GRM5: variants seen among roughly 807,000 people sequenced by gnomAD.
GRM5 encodes the protein metabotropic glutamate receptor 5.
In GRM5, 19 loss-of-function variants were observed where a neutral mutation model predicts 83.1. The observed-to-expected ratio is 0.23, with a 90% CI of 0.16 to 0.34. The LOEUF (loss-of-function observed/expected upper bound fraction) is 0.34, where lower values mean the gene tolerates loss of function less well. Ranked by LOEUF, GRM5 falls within the 10% of genes least tolerant of loss-of-function variation. GRM5 has a pLI of 1.00. For missense variants in GRM5, 1,160 were observed against 1,588.3 expected, an observed-to-expected ratio of 0.73 and a Z score of 4.58; for synonymous variants, 675 against 633.6, an observed-to-expected ratio of 1.07 and a Z score of -0.98.
chr11:88,520,806 T>G (rs1941659235), intron 9 of GRM5, among the ~76,000 whole-genome samples: 1 of 152,210 alleles, frequency 6.6e-6, no homozygotes, highest in Non-Finnish European at 1.5e-5. Flanking sequence ...TATTATGACA[T>G]GACTCTTACC....
At chr11:88,721,352 T>C (rs936328741) in intron 3 of GRM5, among the ~76,000 whole-genome samples, 14 of 152,174 alleles carry the variant, frequency 9.2e-5, no homozygotes, top group African/African-American at 2.4e-4. Context: ...CCCTGCATCA[T>C]TGGAATATTT....
intron 4 of GRM5, among the ~76,000 whole-genome samples, chr11:88,608,220 G>C (rs543016152): frequency 1.2e-4 from 18 of 152,158 alleles, no homozygotes; most frequent in Non-Finnish European, 2.2e-4. Flanking sequence ...ATATGAGTAT[G>C]TTCTGTCACA....
chr11:88,996,382 A>G (rs995886645), intron 2 of GRM5, among the ~76,000 whole-genome samples: 2 of 152,244 alleles, frequency 1.3e-5, no homozygotes, highest in Non-Finnish European at 1.5e-5. Flanking sequence ...AGTTATAACA[A>G]TTCTGACACT....
chr11:88,630,574 A>T (rs6483321), intron 4 of GRM5, among the ~76,000 whole-genome samples: 1 of 15,938 alleles, frequency 6.3e-5, no homozygotes, highest in African/African-American at 1.6e-4. Context: ...CACACACACA[A>T]ACACACACAC....
At chr11:88,870,675 A>C (rs1383318203) in intron 2 of GRM5, among the ~76,000 whole-genome samples, 2 of 151,568 alleles carry the variant, frequency 1.3e-5, no homozygotes, top group African/African-American at 4.8e-5. Flanking sequence ...CTTGTGTTCC[A>C]TTGTGGACAC....
intron 8 of GRM5, among the ~76,000 whole-genome samples, chr11:88,543,640 T>A (rs1942323198): frequency 6.7e-6 from 1 of 149,642 alleles, no homozygotes. Context: ...ATCCTTTTTT[T>A]TTTTTTTTTG....
intron 8 of GRM5, among the ~76,000 whole-genome samples, chr11:88,540,940 T>A (rs968605788): frequency 3.3e-5 from 5 of 151,638 alleles, no homozygotes; most frequent in African/African-American, 1.2e-4. Context: ...TTAGTAGAGA[T>A]GGGGTTTCAC....
chr11:88,777,476 A>C (rs1044940708), intron 3 of GRM5, among the ~76,000 whole-genome samples: 2 of 152,138 alleles, frequency 1.3e-5, no homozygotes, highest in Non-Finnish European at 2.9e-5. Context: ...GCTTTGTTCC[A>C]TTGCTGGCAA....
rs768641882 is a variant in GRM5 at position 88,567,223 on chromosome 11, C to A, written c.2460G>T (p.Pro820=). The A allele has an allele frequency of 1.9e-6, 3 of 1,614,084 alleles. No homozygotes were observed. Among genetic ancestry groups the A allele is most frequent in the Non-Finnish European group, 2.5e-6 (3 of 1,179,982 alleles). Residue 820 remains proline, a synonymous_variant, in exon 8 of 10, where the codon CCG becomes CCT. Transcript: ENST00000305447. This position sits in a 1 kb window ranked among gnomAD's most constrained non-coding sequence, Gnocchi z 7.3. ...GTTTGGCCAGGATGATGTACACCTT[C>A]GGCACAAACATGCAGCCTAGGGCCA... The part of the protein sequence containing the change: ...ATVALGCMFV[P]KVYIILAKPE...
intron 3 of GRM5, among the ~76,000 whole-genome samples, chr11:88,792,742 G>A (rs968060213): frequency 1.3e-5 from 2 of 151,928 alleles, no homozygotes; most frequent in African/African-American, 2.4e-5. Context: ...ATGGTTCTGA[G>A]GTGAAATACT....
At chr11:88,583,486 T>C (rs763084749) in intron 7 of GRM5, among the ~76,000 whole-genome samples, 2 of 152,244 alleles carry the variant, frequency 1.3e-5, no homozygotes, top group Non-Finnish European at 2.9e-5. Context: ...TCTTTTATGA[T>C]TGAAAAGCAG....
intron 3 of GRM5, among the ~76,000 whole-genome samples, chr11:88,712,464 C>A (rs1028015868): frequency 1.3e-5 from 2 of 151,992 alleles, no homozygotes; most frequent in Non-Finnish European, 2.9e-5. Flanking sequence ...TTTATTTCAT[C>A]TTGCACTGAA....
chr11:88,683,621 T>C (rs561943128), intron 3 of GRM5, among the ~76,000 whole-genome samples: 4 of 152,232 alleles, frequency 2.6e-5, no homozygotes, highest in Non-Finnish European at 5.9e-5. Context: ...GTTTACCATA[T>C]AAATTAATTT....
At chr11:88,669,437 C>A (rs1444716146) in intron 3 of GRM5, among the ~76,000 whole-genome samples, 1 of 151,988 alleles carries the variant, frequency 6.6e-6, no homozygotes, top group Non-Finnish European at 1.5e-5. Context: ...TCACTCACTA[C>A]TTTTTCCCAA....
At chr11:89,046,143 G>A (rs568219727) in intron 2 of GRM5, among the ~76,000 whole-genome samples, 8 of 152,188 alleles carry the variant, frequency 5.3e-5, no homozygotes, top group South Asian at 2.1e-4. Flanking sequence ...TTCACAGGAC[G>A]GTCAGAGAGC....
At chr11:88,769,573 C>T (rs1942689483) in intron 3 of GRM5, among the ~76,000 whole-genome samples, 2 of 151,884 alleles carry the variant, frequency 1.3e-5, no homozygotes, top group South Asian at 2.1e-4. Context: ...GGTAAGGAAG[C>T]CCTCACAAAG....
chr11:88,581,652 A>T (rs1943214604), intron 7 of GRM5, among the ~76,000 whole-genome samples: 1 of 152,170 alleles, frequency 6.6e-6, no homozygotes, highest in African/African-American at 2.4e-5. Context: ...AAACCTAAAA[A>T]GTGCTTAGAG....
chr11:88,717,182 AT>A (rs569872563), intron 3 of GRM5, among the ~76,000 whole-genome samples: 70 of 152,080 alleles, frequency 4.6e-4, no homozygotes, highest in Non-Finnish European at 9.4e-4. Flanking sequence ...AGTTCTCTTC[AT>A]TACAGATAAT....
chr11:88,876,756 A>G (rs1472315390), intron 2 of GRM5, among the ~76,000 whole-genome samples: 3 of 152,086 alleles, frequency 2.0e-5, no homozygotes, highest in East Asian at 3.9e-4. Context: ...AGAGTGGCCC[A>G]TTGGTGGAGC....
Sources: gnomAD v4.1 joint callset for allele counts (sites outside exome capture counted in the v4.1 genomes callset) on GRCh38, gnomAD v4.1.1 for gene constraint, Gnocchi (gnomAD v3.1) non-coding constraint, MANE v1.5 for transcripts, NCBI Gene and HGNC (gene_info 2026-07-23, HGNC 2026-07-21) for gene names.